PEX13: variants seen among roughly 807,000 people sequenced by gnomAD.
The protein encoded by PEX13 is peroxisome biogenesis factor 13.
A neutral mutation model predicts 34.5 loss-of-function variants in PEX13; 28 were observed. That is an observed-to-expected ratio of 0.81 (90% CI 0.60 to 1.11). PEX13 has a LOEUF of 1.11. PEX13 is among the 50% of genes most tolerant of loss of function. The pLI, the probability that PEX13 is intolerant of heterozygous loss-of-function variation, is 0.00. For missense variants in PEX13, 550 were observed against 491.0 expected (o/e 1.12, Z -1.13); for synonymous variants, 177 against 175.1 (o/e 1.01, Z -0.09).
At chr2:61,027,206 T>TG (rs1429024977) in intron 1 of PEX13, among the ~76,000 whole-genome samples, 1 of 148,712 alleles carries the variant, frequency 6.7e-6, no homozygotes, top group Non-Finnish European at 1.5e-5. Flanking sequence ...GGCATGGTGG[T>TG]GCACGCCTGT....
At chr2:61,031,088 GA>G (rs1680441760) in intron 1 of PEX13, among the ~76,000 whole-genome samples, 2 of 152,154 alleles carry the variant, frequency 1.3e-5, no homozygotes, top group African/African-American at 4.8e-5. Flanking sequence ...CCAGGAGTTT[GA>G]GACCAGCCTG....
At chr2:61,018,129 T>G in intron 1 of PEX13, 2 of 1,549,076 alleles carry the variant, frequency 1.3e-6, no homozygotes, top group South Asian at 2.4e-5. Flanking sequence ...GGGGGCGGCT[T>G]CCTACCTACC....
At chr2:61,037,653 G>A (rs1680557028) in intron 2 of PEX13, among the ~76,000 whole-genome samples, 1 of 151,984 alleles carries the variant, frequency 6.6e-6, no homozygotes, top group South Asian at 2.1e-4. Flanking sequence ...ATGCCCACAA[G>A]AAGCAGGAAA....
At chr2:61,023,577 G>T (rs1393141561) in intron 1 of PEX13, among the ~76,000 whole-genome samples, 1 of 151,914 alleles carries the variant, frequency 6.6e-6, no homozygotes, top group East Asian at 1.9e-4. Context: ...CTCTTCTTCT[G>T]TCAAGCATTA....
intron 2 of PEX13, among the ~76,000 whole-genome samples, chr2:61,040,655 G>T (rs186442698): frequency 2.0e-5 from 3 of 151,726 alleles, no homozygotes; most frequent in African/African-American, 7.2e-5. Context: ...GTTGATGGGT[G>T]CAGCAAACCA....
At position 61,045,391 on chromosome 2, in the gene PEX13, C is replaced by A. The variant is rs1042155846; in HGVS notation, c.788-335C>A. On this transcript the variant is annotated intron_variant, in intron 2 of 3. Transcript: ENST00000295030. Reference sequence around the variant, plus strand: ...CAATAAATTTATGGAAATTTTGTTTCCTCTTTTTATAAAAGTAATTGCCCA... The same window carrying A: ...CAATAAATTTATGGAAATTTTGTTTACTCTTTTTATAAAAGTAATTGCCCA... Among the ~76,000 whole-genome samples, 64 of 152,238 alleles carry A rather than the reference C, an allele frequency of 4.2e-4. 1 individual carries two copies. The highest frequency in any genetic ancestry group is 1.3e-3 in the African/African-American group (54 of 41,560).
chr2:61,039,479 A>G (rs1041723965), intron 2 of PEX13, among the ~76,000 whole-genome samples: 2 of 152,218 alleles, frequency 1.3e-5, no homozygotes, highest in Non-Finnish European at 2.9e-5. Flanking sequence ...CCTGACAAAA[A>G]CAAGAAATAG....
Position 61,031,803 on chromosome 2 carries a change from G to C in PEX13, c.477G>C (p.Arg159Ser), listed in dbSNP as rs1559035599. 4.3e-6 allele frequency: 7 copies of C among 1,613,520 alleles called. No individual in the cohort carries two copies. The highest frequency in any genetic ancestry group is 5.9e-6 in the Non-Finnish European group (7 of 1,179,444). Residue 159 changes from arginine to serine, a missense_variant, in exon 2 of 4, where the codon AGG (arginine) becomes AGC (serine). Physicochemically the swap from Arg to Ser is moderately radical, Grantham distance 110 (BLOSUM62 -1). Coordinates refer to ENST00000295030, the MANE Select transcript of PEX13 (RefSeq NM_002618.4). ...ATFSAVYNSF[R>S]AVLDVANHFS... is the part of the protein sequence containing the mutation. ...TTTCAGCTGTCTATAACAGTTTCAG[G>C]GCTGTATTGGATGTAGCAAATCACT...
Position 61,051,105 on chromosome 2 carries a change from C to G in PEX13, c.*2335C>G, listed in dbSNP as rs1450540267. On this transcript the variant is annotated 3_prime_UTR_variant, in exon 4 of 4. Coordinates refer to ENST00000295030, the MANE Select transcript of PEX13 (RefSeq NM_002618.4). The stretch of plus-strand genomic sequence containing the variant: ...ATATCATTTATAATAGAAATCTTGA[C>G]CCAGTGCAGAAAAATAAATATAGTA... 2 of 152,216 alleles carry G rather than the reference C, an allele frequency of 1.3e-5. No homozygotes were observed. The highest frequency in any genetic ancestry group is 2.9e-5 in the Non-Finnish European group (2 of 68,036). The allele number at this position is 152,216 out of a possible 1,614,324, so 9.4% of individuals were successfully genotyped here. A position where few individuals can be genotyped will look rare whatever the true frequency, so the allele number is the denominator to read the frequency against.
At position 61,051,824 on chromosome 2, in the gene PEX13, C is replaced by G. The variant is rs549996457; in HGVS notation, c.*3054C>G. The G allele has an allele frequency of 2.6e-5, 4 of 152,378 alleles. No individual in the cohort carries two copies. In the South Asian group the frequency reaches 8.3e-4, roughly 32 times the overall value. The allele number at this position is 152,378 out of a possible 1,614,324, so 9.4% of individuals were successfully genotyped here. On this transcript the variant is annotated 3_prime_UTR_variant, in exon 4 of 4. Transcript: ENST00000295030. ...CATGTTTTAACATTTTATGTACGTA[C>G]TTGATTCTGTCTGTGTCATAATTAC...
chr2:61,036,800 G>A (rs991247899), intron 2 of PEX13, among the ~76,000 whole-genome samples: 3 of 152,134 alleles, frequency 2.0e-5, no homozygotes, highest in African/African-American at 7.2e-5. Flanking sequence ...AAATGTAAAT[G>A]GGCTAAATGC....
chr2:61,019,336 C>T (rs909772505), intron 1 of PEX13, among the ~76,000 whole-genome samples: 1 of 151,824 alleles, frequency 6.6e-6, no homozygotes, highest in Non-Finnish European at 1.5e-5. Context: ...TTAAACTAAT[C>T]CTTTTTTGTT....
At chr2:61,020,755 A>G (rs550087310) in intron 1 of PEX13, among the ~76,000 whole-genome samples, 2 of 152,136 alleles carry the variant, frequency 1.3e-5, no homozygotes, top group South Asian at 2.1e-4. Context: ...CCTGGGTTCA[A>G]GTGATTCTCC....
chr2:61,048,921 A>C lies in PEX13; in HGVS notation c.*151A>C. 1.5e-6 allele frequency: 1 copy of C among 677,388 alleles called. No homozygotes were observed. Among genetic ancestry groups the C allele is most frequent in the Non-Finnish European group, 2.5e-6 (1 of 394,654 alleles). The allele number at this position is 677,388 out of a possible 1,614,324, so 42.0% of individuals were successfully genotyped here. ...CTAGAAATTATTAAAGTTACACACT[A>C]GTATGTTGGTCTGGTGACCTGGTTA... On this transcript the variant is annotated 3_prime_UTR_variant, in exon 4 of 4. Transcript: ENST00000295030.
chr2:61,028,646 C>A (rs1421379039), intron 1 of PEX13, among the ~76,000 whole-genome samples: 2 of 151,050 alleles, frequency 1.3e-5, no homozygotes, highest in Non-Finnish European at 3.0e-5. Context: ...CTCAGCCTCC[C>A]AAAGTGCTGG....
chr2:61,020,184 C>G (rs1680230960), intron 1 of PEX13, among the ~76,000 whole-genome samples: 1 of 152,164 alleles, frequency 6.6e-6, no homozygotes, highest in Non-Finnish European at 1.5e-5. Flanking sequence ...CAAGATCACG[C>G]CACTGCACTG....
intron 1 of PEX13, among the ~76,000 whole-genome samples, chr2:61,029,189 A>G (rs567703996): frequency 4.6e-5 from 7 of 152,188 alleles, no homozygotes; most frequent in South Asian, 2.1e-4. Flanking sequence ...AAGTATCTGA[A>G]TACATATTTT....
At chr2:61,017,983 GC>G (rs755460383) in intron 1 of PEX13, 132 bp downstream of exon 1, 32 of 1,313,486 alleles carry the variant, frequency 2.4e-5, no homozygotes, top group Non-Finnish European at 3.2e-5. Context: ...GGGGATAGGG[GC>G]CGAGGTGGAG....
chr2:61,028,233 A>G (rs1431343941), intron 1 of PEX13, among the ~76,000 whole-genome samples: 1 of 152,226 alleles, frequency 6.6e-6, no homozygotes, highest in African/African-American at 2.4e-5. Flanking sequence ...TGTGAAGTAA[A>G]CAACATCACT....
Sources: allele counts gnomAD v4.1 joint callset (sites outside exome capture counted in the v4.1 genomes callset), GRCh38; gene constraint gnomAD v4.1.1; transcripts MANE v1.5; gene names NCBI Gene and HGNC (gene_info 2026-07-23, HGNC 2026-07-21).